SGMS1: variants seen among roughly 807,000 people sequenced by gnomAD.
SGMS1 encodes the protein phosphatidylcholine:ceramide cholinephosphotransferase 1.
In SGMS1, 13 loss-of-function variants were observed where a neutral mutation model predicts 46.2. That is an observed-to-expected ratio of 0.28 (90% CI 0.18 to 0.45). The LOEUF is 0.45. Ranked by LOEUF, SGMS1 falls within the 20% of genes least tolerant of loss-of-function variation. SGMS1 has a pLI of 1.00. For synonymous variants in SGMS1, 203 were observed against 187.8 expected (o/e 1.08, Z -0.66); for missense variants, 324 against 519.9 (o/e 0.62, Z 3.66).
intron 3 of SGMS1, among the ~76,000 whole-genome samples, chr10:50,495,110 C>T (rs1342231424): frequency 1.0e-4 from 15 of 145,946 alleles, no homozygotes; most frequent in East Asian, 2.0e-4. Context: ...TGCTTGCAGG[C>T]GCCTGTAGTC....
intron 6 of SGMS1, among the ~76,000 whole-genome samples, chr10:50,419,078 T>C (rs1291783831): frequency 1.3e-5 from 2 of 152,208 alleles, no homozygotes; most frequent in Non-Finnish European, 2.9e-5. Flanking sequence ...AACTTCACCA[T>C]AGGTATGTAT....
chr10:50,360,719 C>T (rs1169250058), intron 6 of SGMS1, among the ~76,000 whole-genome samples: 1 of 152,194 alleles, frequency 6.6e-6, no homozygotes, highest in Non-Finnish European at 1.5e-5. Context: ...CAGTACTGAT[C>T]TCATCTGCCC....
intron 6 of SGMS1, among the ~76,000 whole-genome samples, chr10:50,370,612 A>T (rs1446679007): frequency 1.3e-5 from 2 of 151,610 alleles, no homozygotes; most frequent in African/African-American, 2.4e-5. Flanking sequence ...GTGGTGGTGC[A>T]TGCCTGTAAT....
At chr10:50,504,137 C>T (rs1837685302) in intron 3 of SGMS1, among the ~76,000 whole-genome samples, 1 of 152,224 alleles carries the variant, frequency 6.6e-6, no homozygotes, top group Non-Finnish European at 1.5e-5. Flanking sequence ...TATAAACAGA[C>T]ATCTGGAATT....
Position 50,365,255 on chromosome 10 carries a change from C to CAAAAAAAAAAAAAAAAAAAAAAAA in SGMS1, c.-231-20911_-231-20910insTTTTTTTTTTTTTTTTTTTTTTTT, listed in dbSNP as rs67951872. Among the ~76,000 whole-genome samples the CAAAAAAAAAAAAAAAAAAAAAAAA allele has an allele frequency of 1.5e-3, 68 of 45,032 alleles. 4 individuals carry two copies. The highest frequency in any genetic ancestry group is 2.2e-3 in the Non-Finnish European group (52 of 23,370). 29.5% of individuals were successfully genotyped at this position (45,032 alleles called of 152,430 possible). A position where few individuals can be genotyped will look rare whatever the true frequency, so the allele number is the denominator to read the frequency against. On this transcript the variant is annotated intron_variant, in intron 6 of 10. Coordinates refer to ENST00000361781, the MANE Select transcript of SGMS1 (RefSeq NM_147156.4). ...GCGACGGAGTGAGACTCCATCTCAC[C>CAAAAAAAAAAAAAAAAAAAAAAAA]AAAAAAAAAAAAAAAAAAAAAAAGC...
intron 6 of SGMS1, chr10:50,418,125 G>A (rs890956304): frequency 6.6e-6 from 1 of 152,184 alleles, no homozygotes; most frequent in African/African-American, 2.4e-5. Context: ...GTTTGCGCGC[G>A]GCTCCTCGCG....
chr10:50,585,168 G>A (rs1194746850), intron 2 of SGMS1, among the ~76,000 whole-genome samples: 1 of 152,206 alleles, frequency 6.6e-6, no homozygotes, highest in East Asian at 1.9e-4. Context: ...AGATTAATTT[G>A]TTATGCTGCA....
Position 50,343,738 on chromosome 10 carries a change from G to C in SGMS1, c.377C>G (p.Ser126Cys). Reference protein sequence around the residue: ...IKIPMPELERSQYPMEWGKTF... With the variant: ...IKIPMPELERCQYPMEWGKTF... Reference sequence around the variant, plus strand: ...CTTGCCCCACTCCATGGGGTACTGAGAGCGCTCCAGTTCTGGCATGGGGAT... The same window carrying C: ...CTTGCCCCACTCCATGGGGTACTGACAGCGCTCCAGTTCTGGCATGGGGAT... The change falls in exon 7 of 11, where the codon TCT becomes TGT. Residue 126 changes from serine to cysteine, a missense_variant. By Grantham distance (112) the Ser-to-Cys change is moderately radical. Around this residue, in one of 2 missense-constraint regions of SGMS1, gnomAD observed 150 missense variants for 169.8 expected, o/e 0.88. Transcript: ENST00000361781. 1 of 1,614,188 alleles carries C rather than the reference G, an allele frequency of 6.2e-7. No homozygotes were observed. Among genetic ancestry groups the C allele is most frequent in the South Asian group, 1.1e-5 (1 of 91,072 alleles).
chr10:50,318,700 C>G (rs573302421), intron 8 of SGMS1, among the ~76,000 whole-genome samples: 2 of 152,310 alleles, frequency 1.3e-5, no homozygotes, highest in East Asian at 3.9e-4. Context: ...CCCACCACAA[C>G]TGATCTAAAG....
intron 2 of SGMS1, among the ~76,000 whole-genome samples, chr10:50,544,861 A>G (rs1228192264): frequency 1.3e-5 from 2 of 152,180 alleles, no homozygotes; most frequent in Non-Finnish European, 2.9e-5. Flanking sequence ...ATTTGCCCCA[A>G]GAAGAAACGT....
At chr10:50,337,576 A>C (rs1038206993) in intron 7 of SGMS1, among the ~76,000 whole-genome samples, 1 of 152,200 alleles carries the variant, frequency 6.6e-6, no homozygotes, top group African/African-American at 2.4e-5. Flanking sequence ...TTGGGAACAG[A>C]AGAGGAGTTA....
chr10:50,455,915 G>A (rs189449093), intron 5 of SGMS1, among the ~76,000 whole-genome samples: 33 of 152,230 alleles, frequency 2.2e-4, no homozygotes, highest in African/African-American at 7.5e-4. Context: ...TGCTTGTAAG[G>A]CTATCACTCT....
chr10:50,306,544 A>C lies in SGMS1; in HGVS notation c.*598T>G, dbSNP rs765263862. On this transcript the variant is annotated 3_prime_UTR_variant, in exon 11 of 11. Coordinates refer to ENST00000361781, the MANE Select transcript of SGMS1 (RefSeq NM_147156.4). Reference sequence around the variant, plus strand: ...GAAATACTTAGAAAATCACTTTATAACAGAATCTTTTTTTTTGCACTTTTT... The same window carrying C: ...GAAATACTTAGAAAATCACTTTATACCAGAATCTTTTTTTTTGCACTTTTT... 3.9e-5 allele frequency: 6 copies of C among 152,754 alleles called. No individual in the cohort carries two copies. Among genetic ancestry groups the C allele is most frequent in the Non-Finnish European group, 7.3e-5 (5 of 68,036 alleles). 9.5% of individuals were successfully genotyped at this position (152,754 alleles called of 1,614,324 possible). A position where few individuals can be genotyped will look rare whatever the true frequency, so the allele number is the denominator to read the frequency against.
chr10:50,556,976 C>A (rs999320202), intron 2 of SGMS1, among the ~76,000 whole-genome samples: 8 of 152,098 alleles, frequency 5.3e-5, no homozygotes, highest in African/African-American at 1.7e-4. Flanking sequence ...ATGTTCTAAG[C>A]GTGAGTTCGA....
Position 50,365,653 on chromosome 10 carries a change from G to T in SGMS1, c.-231-21308C>A, listed in dbSNP as rs565442482. On this transcript the variant is annotated intron_variant, in intron 6 of 10. Coordinates refer to ENST00000361781, the MANE Select transcript of SGMS1 (RefSeq NM_147156.4). ...CTGTGTCCATGTGTTCTCCTTGTTC[G>T]ACTCCCACTTATGAGTGAGAAGATG... 5.9e-5 allele frequency among the ~76,000 whole-genome samples: 9 copies of T among 152,010 alleles called. No individual in the cohort carries two copies. The East Asian group carries it at 1.7e-3, about 29-fold the overall frequency.
chr10:50,343,666 G>C lies in SGMS1; in HGVS notation c.449C>G (p.Thr150Arg). Residue 150 changes from threonine to arginine, a missense_variant, in exon 7 of 11, where the codon ACA becomes AGA. Transcript: ENST00000361781. Reference sequence around the variant, plus strand: ...TTCGTGGACGACCGAGATCATCACTGTGGTGAGAACGAAACAGGAAAGTGC... The same window carrying C: ...TTCGTGGACGACCGAGATCATCACTCTGGTGAGAACGAAACAGGAAAGTGC... ...LYALSCFVLTTVMISVVHERV... is the reference protein window; with the variant it reads ...LYALSCFVLTRVMISVVHERV... 6.2e-7 allele frequency: 1 copy of C among 1,614,170 alleles called. No homozygotes were observed. Among genetic ancestry groups the C allele is most frequent in the Non-Finnish European group, 8.5e-7 (1 of 1,180,040 alleles).
At chr10:50,588,888 G>A (rs991564640) in intron 2 of SGMS1, among the ~76,000 whole-genome samples, 4 of 151,824 alleles carry the variant, frequency 2.6e-5, no homozygotes, top group Non-Finnish European at 4.4e-5. Context: ...TGTCACTACC[G>A]CTCAGCTAAC....
At chr10:50,621,345 T>C (rs1293749180) in intron 1 of SGMS1, among the ~76,000 whole-genome samples, 1 of 152,180 alleles carries the variant, frequency 6.6e-6, no homozygotes, top group Non-Finnish European at 1.5e-5. Flanking sequence ...AGAATCAAGT[T>C]TTCAAGCTAA....
intron 3 of SGMS1, among the ~76,000 whole-genome samples, chr10:50,471,976 A>G (rs1334018316): frequency 2.0e-5 from 3 of 152,240 alleles, no homozygotes; most frequent in Non-Finnish European, 4.4e-5. Context: ...GTTCGCACCC[A>G]GTAAAATCAT....
Sources: gnomAD v4.1 joint callset for allele counts (sites outside exome capture counted in the v4.1 genomes callset) on GRCh38, gnomAD v4.1.1 for gene constraint, gnomAD v4.1.1 regional missense constraint, MANE v1.5 for transcripts, NCBI Gene and HGNC (gene_info 2026-07-23, HGNC 2026-07-21) for gene names.